The following STMN4 variants were observed in gnomAD, a reference collection of about 807,000 sequenced individuals.
The protein encoded by STMN4 is stathmin 4.
In STMN4, 12 loss-of-function variants were observed where a neutral mutation model predicts 29.1. The observed-to-expected ratio is 0.41, with a 90% CI of 0.26 to 0.67. The LOEUF is 0.67. STMN4 is among the 30% of genes least tolerant of loss of function. The pLI is 0.30. For missense variants in STMN4, 181 were observed against 262.8 expected (o/e 0.69, Z 2.15); for synonymous variants, 114 against 105.3 (o/e 1.08, Z -0.51).
chr8:27,238,525 T>C (rs551651333), intron 6 of STMN4, among the ~76,000 whole-genome samples: 10 of 152,358 alleles, frequency 6.6e-5, no homozygotes, highest in African/African-American at 2.4e-4. Flanking sequence ...TACCGATCTC[T>C]CTGCCTCTGA....
At chr8:27,255,937 A>C (rs1205209400) in intron 1 of STMN4, among the ~76,000 whole-genome samples, 1 of 152,236 alleles carries the variant, frequency 6.6e-6, no homozygotes, top group Non-Finnish European at 1.5e-5. Context: ...CGTCTTTGAT[A>C]GGTCCTTTAG....
At chr8:27,254,789 GGGGGT>G (rs1248202340) in intron 1 of STMN4, among the ~76,000 whole-genome samples, 10 of 139,798 alleles carry the variant, frequency 7.2e-5, no homozygotes, top group East Asian at 6.4e-4. Flanking sequence ...TCTGTGTGTA[GGGGGT>G]GGGGTGGGGT....
At chr8:27,249,824 G>A (rs1382252267) in intron 1 of STMN4, among the ~76,000 whole-genome samples, 1 of 152,182 alleles carries the variant, frequency 6.6e-6, no homozygotes, top group Non-Finnish European at 1.5e-5. Context: ...ACCTCTTAGT[G>A]CCTCTGACTG....
intron 1 of STMN4, among the ~76,000 whole-genome samples, chr8:27,245,144 C>T (rs1452729547): frequency 6.6e-6 from 1 of 152,230 alleles, no homozygotes; most frequent in Non-Finnish European, 1.5e-5. Context: ...TAGTCTCTTT[C>T]TCCATCTTAA....
intron 1 of STMN4, among the ~76,000 whole-genome samples, chr8:27,253,078 A>T (rs1429681386): frequency 6.6e-6 from 1 of 152,186 alleles, no homozygotes; most frequent in East Asian, 1.9e-4. Context: ...GCAGTCCCAG[A>T]GTTAGTAGCA....
intron 3 of STMN4, 102 bp downstream of exon 3, chr8:27,242,295 C>G: frequency 8.6e-7 from 1 of 1,167,788 alleles, no homozygotes; most frequent in Non-Finnish European, 1.3e-6. Context: ...GAAACTGTCT[C>G]GGGAGGAGAG....
intron 1 of STMN4, among the ~76,000 whole-genome samples, chr8:27,245,987 C>T (rs11786687): frequency 0.44 from 66,348 of 151,532 alleles, 15,137 homozygotes; most frequent in Non-Finnish European, 0.51. Flanking sequence ...GAAGTTCAGA[C>T]GCTTGCTTAA....
At chr8:27,249,126 A>G (rs932840624) in intron 1 of STMN4, among the ~76,000 whole-genome samples, 1 of 152,228 alleles carries the variant, frequency 6.6e-6, no homozygotes, top group African/African-American at 2.4e-5. Flanking sequence ...CCGTAAGGAA[A>G]CACAGAATGA....
intron 1 of STMN4, among the ~76,000 whole-genome samples, chr8:27,252,639 C>T (rs906975065): frequency 6.6e-6 from 1 of 152,198 alleles, no homozygotes; most frequent in East Asian, 1.9e-4. Context: ...ATCTTATACA[C>T]ACTTAATAGA....
intron 5 of STMN4, among the ~76,000 whole-genome samples, chr8:27,240,781 CT>C (rs1365778236): frequency 2.6e-5 from 4 of 152,130 alleles, no homozygotes; most frequent in African/African-American, 9.7e-5. Flanking sequence ...ATTTGTCAGT[CT>C]TATTTTTGCC....
intron 1 of STMN4, among the ~76,000 whole-genome samples, chr8:27,249,625 G>C (rs1308672555): frequency 6.6e-6 from 1 of 152,134 alleles, no homozygotes; most frequent in Admixed American, 6.5e-5. Context: ...TGGATGAGAG[G>C]GGACAGCCCA....
intron 2 of STMN4, 112 bp downstream of exon 2, chr8:27,243,598 AC>A (rs747706841): frequency 6.9e-6 from 8 of 1,166,552 alleles, no homozygotes; most frequent in Non-Finnish European, 9.0e-6. Flanking sequence ...GCACCCCCCC[AC>A]ACACCCCGTG....
intron 1 of STMN4, among the ~76,000 whole-genome samples, chr8:27,256,183 G>A (rs970992761): frequency 1.3e-5 from 2 of 152,142 alleles, no homozygotes; most frequent in Admixed American, 6.5e-5. Flanking sequence ...AAGAATGTAG[G>A]ATGGGATTTT....
intron 5 of STMN4, 108 bp from the exon 6 acceptor site, chr8:27,240,270 G>A (rs1563412964): frequency 1.6e-6 from 2 of 1,238,044 alleles, no homozygotes; most frequent in Non-Finnish European, 2.2e-6. Context: ...ACCTCCCTGG[G>A]CCTGGTCCCC....
intron 2 of STMN4, among the ~76,000 whole-genome samples, chr8:27,242,924 G>T (rs1331402276): frequency 6.6e-6 from 1 of 152,294 alleles, no homozygotes; most frequent in East Asian, 1.9e-4. Context: ...GGCCTGCAGG[G>T]TTAAGGAGCT....
chr8:27,255,983 T>TA (rs565730042), intron 1 of STMN4, among the ~76,000 whole-genome samples: 206 of 151,274 alleles, frequency 1.4e-3, no homozygotes, highest in Middle Eastern at 0.01. Context: ...CAGCTTCCCA[T>TA]AAAAAAAAAT....
rs149936311 is a variant in STMN4, at chr8:27,255,499, A to C, written c.-79+2852T>G. 1.9e-3 allele frequency among the ~76,000 whole-genome samples: 283 copies of C among 152,336 alleles called. 1 individual carries two copies. The highest frequency in any genetic ancestry group is 0.014 in the Middle Eastern group (4 of 294). Reference sequence around the variant, plus strand: ...TTCTTTGATTATGATCTTGATACTTAAATATCCTATTATTTAAAAGCAAGA... The same window carrying C: ...TTCTTTGATTATGATCTTGATACTTCAATATCCTATTATTTAAAAGCAAGA... On this transcript the variant is annotated intron_variant, in intron 1 of 6. Coordinates refer to ENST00000350889, the MANE Select transcript of STMN4 (RefSeq NM_030795.4).
chr8:27,252,088 A>G (rs1801806305), intron 1 of STMN4, among the ~76,000 whole-genome samples: 1 of 151,530 alleles, frequency 6.6e-6, no homozygotes, highest in African/African-American at 2.4e-5. Context: ...GTGATAGTTT[A>G]CTGAGAATGA....
intron 1 of STMN4, 88 bp from the exon 2 acceptor site, chr8:27,243,889 T>C: frequency 8.4e-7 from 1 of 1,191,394 alleles, no homozygotes; most frequent in Non-Finnish European, 1.2e-6. Context: ...GGGGAGGGAA[T>C]CTCAGGGGTA....
Sources: gnomAD v4.1 joint callset for allele counts (sites outside exome capture counted in the v4.1 genomes callset) on GRCh38, gnomAD v4.1.1 for gene constraint, MANE v1.5 for transcripts, NCBI Gene and HGNC (gene_info 2026-07-23, HGNC 2026-07-21) for gene names.